NFIB: variants seen among roughly 807,000 people sequenced by gnomAD.
NFIB encodes the protein nuclear factor I B.
NFIB carries 11 observed loss-of-function variants against 61.5 expected under a neutral mutation model. The observed-to-expected ratio is 0.18, with a 90% CI of 0.11 to 0.30. The LOEUF (loss-of-function observed/expected upper bound fraction) is 0.30, where lower values mean the gene tolerates loss of function less well. NFIB is among the 10% of genes least tolerant of loss of function. The pLI is 1.00. For synonymous variants in NFIB, 260 were observed against 216.5 expected (o/e 1.20, Z -1.76); for missense variants, 471 against 608.9 (o/e 0.77, Z 2.38).
intron 2 of NFIB, among the ~76,000 whole-genome samples, chr9:14,266,505 G>A (rs1349328470): frequency 1.3e-5 from 2 of 152,060 alleles, no homozygotes; most frequent in East Asian, 3.9e-4. Flanking sequence ...TGAGGCAGGA[G>A]GATTTCACGA....
chr9:14,334,660 A>AT (rs1035267215), intron 1 of NFIB, among the ~76,000 whole-genome samples: 41 of 152,042 alleles, frequency 2.7e-4, no homozygotes, highest in Admixed American at 5.9e-4. Flanking sequence ...ATGTTGCAAT[A>AT]TTTTTTTTAA....
Position 14,244,808 on chromosome 9 carries a change from T to C in NFIB, c.562+62181A>G, listed in dbSNP as rs571028410. Among the ~76,000 whole-genome samples, 5 of 152,310 alleles carry C rather than the reference T, an allele frequency of 3.3e-5. No homozygotes were observed. The South Asian group carries it at 1.0e-3, about 32-fold the overall frequency. ...ACTAAAAAAATAGTAAATACTATTA[T>C]TGTTGTTCTTGCTACTGTTATTATT... On this transcript the variant is annotated intron_variant, in intron 2 of 10. Coordinates refer to ENST00000380953, the MANE Select transcript of NFIB (RefSeq NM_001190737.2).
At chr9:14,519,062 G>T in the NFIB span, among the ~76,000 whole-genome samples, 1 of 152,272 alleles carries the variant, frequency 6.6e-6, no homozygotes, top group South Asian at 2.1e-4. Flanking sequence ...AATTGCTAAT[G>T]AACAGCTCAT....
intron 1 of NFIB, among the ~76,000 whole-genome samples, chr9:14,312,598 A>G (rs2060333143): frequency 6.6e-6 from 1 of 152,224 alleles, no homozygotes. Flanking sequence ...CCGCTTTTCT[A>G]TTTGACCGTC....
chr9:14,472,824 G>A, the NFIB span, among the ~76,000 whole-genome samples: 2 of 152,094 alleles, frequency 1.3e-5, no homozygotes, highest in African/African-American at 2.4e-5. Context: ...CTGGGCGACA[G>A]AGCGAGACTC....
the NFIB span, among the ~76,000 whole-genome samples, chr9:14,521,660 T>C: frequency 6.6e-6 from 1 of 152,166 alleles, no homozygotes; most frequent in Non-Finnish European, 1.5e-5. Flanking sequence ...TACATGCAAT[T>C]TGTTCAGTTA....
chr9:14,471,645 T>G, the NFIB span, among the ~76,000 whole-genome samples: 36 of 152,042 alleles, frequency 2.4e-4, no homozygotes, highest in African/African-American at 8.0e-4. Context: ...CAGTGGGGAG[T>G]AGAATTTAAG....
At chr9:14,323,857 A>T (rs770675717) in intron 1 of NFIB, among the ~76,000 whole-genome samples, 10 of 152,250 alleles carry the variant, frequency 6.6e-5, no homozygotes, top group African/African-American at 2.4e-4. Flanking sequence ...CACATCATAC[A>T]TACGTTTGGC....
intron 1 of NFIB, among the ~76,000 whole-genome samples, chr9:14,366,413 C>G (rs1679633476): frequency 6.6e-6 from 1 of 152,178 alleles, no homozygotes; most frequent in South Asian, 2.1e-4. Flanking sequence ...AAGACAAGAC[C>G]ACTTCCTATT....
the NFIB span, among the ~76,000 whole-genome samples, chr9:14,464,429 A>G: frequency 1.3e-5 from 2 of 152,212 alleles, no homozygotes; most frequent in Non-Finnish European, 2.9e-5. Context: ...TAGACGGTGC[A>G]CATTTTCAAC....
intron 1 of NFIB, among the ~76,000 whole-genome samples, chr9:14,354,916 C>G (rs2061157529): frequency 6.6e-6 from 1 of 152,042 alleles, no homozygotes; most frequent in South Asian, 2.1e-4. Context: ...AACACTGTCA[C>G]TATTCCTTGT....
At chr9:14,420,022 A>C in the NFIB span, among the ~76,000 whole-genome samples, 1 of 152,290 alleles carries the variant, frequency 6.6e-6, no homozygotes. Context: ...ACAGGACCTG[A>C]TATACATGCT....
At chr9:14,477,579 T>G in the NFIB span, among the ~76,000 whole-genome samples, 1 of 152,158 alleles carries the variant, frequency 6.6e-6, no homozygotes, top group Non-Finnish European at 1.5e-5. Context: ...GGAGATTCAT[T>G]TGGTGGTATA....
intron 2 of NFIB, among the ~76,000 whole-genome samples, chr9:14,186,377 AT>A (rs34691159): frequency 9.2e-5 from 14 of 151,968 alleles, no homozygotes; most frequent in East Asian, 7.7e-4. Context: ...ATACCATGAG[AT>A]TTTTTTTAAG....
intron 1 of NFIB, among the ~76,000 whole-genome samples, chr9:14,354,585 T>C (rs2061153598): frequency 6.6e-6 from 1 of 152,304 alleles, no homozygotes; most frequent in African/African-American, 2.4e-5. Context: ...TCCATTGAAA[T>C]TTAGGGCCAT....
chr9:14,199,322 C>T (rs1252028696), intron 2 of NFIB, among the ~76,000 whole-genome samples: 2 of 152,176 alleles, frequency 1.3e-5, no homozygotes, highest in African/African-American at 2.4e-5. Flanking sequence ...GGCAGTAGTG[C>T]GGCAGGGTGA....
the NFIB span, among the ~76,000 whole-genome samples, chr9:14,502,190 T>G: frequency 2.0e-5 from 3 of 152,178 alleles, no homozygotes; most frequent in African/African-American, 7.2e-5. Flanking sequence ...TCAAACCCCT[T>G]AATATTTCTG....
intron 3 of NFIB, among the ~76,000 whole-genome samples, chr9:14,159,292 C>T (rs974487887): frequency 2.0e-5 from 3 of 152,104 alleles, no homozygotes; most frequent in African/African-American, 4.8e-5. Context: ...TTGGAATCTA[C>T]GGAAACAATG....
intron 2 of NFIB, among the ~76,000 whole-genome samples, chr9:14,270,196 T>C (rs1563962101): frequency 6.6e-6 from 1 of 152,132 alleles, no homozygotes; most frequent in Non-Finnish European, 1.5e-5. Flanking sequence ...CAAAACTTTG[T>C]CTCCAAAGGG....
Sources: allele counts gnomAD v4.1 joint callset (sites outside exome capture counted in the v4.1 genomes callset), GRCh38; gene constraint gnomAD v4.1.1; transcripts MANE v1.5; gene names NCBI Gene and HGNC (gene_info 2026-07-23, HGNC 2026-07-21).